Variants in SNX2 observed in about 807,000 individuals in gnomAD.
SNX2 encodes the protein sorting nexin-2.
Under a neutral mutation model 69.9 loss-of-function variants are expected in SNX2, and 25 were observed. The observed-to-expected ratio is 0.36, with a 90% CI of 0.26 to 0.50. The LOEUF (loss-of-function observed/expected upper bound fraction) is 0.50. Ranked by LOEUF, SNX2 falls within the 20% of genes least tolerant of loss-of-function variation. The pLI is 0.97. For missense variants in SNX2, 551 were observed against 613.3 expected, an observed-to-expected ratio of 0.90 and a Z score of 1.07; for synonymous variants, 229 against 200.4, an observed-to-expected ratio of 1.14 and a Z score of -1.20.
chr5:122,800,546 A>G (rs1464994059), intron 3 of SNX2, among the ~76,000 whole-genome samples: 1 of 152,150 alleles, frequency 6.6e-6, no homozygotes, highest in Non-Finnish European at 1.5e-5. Context: ...ATGTCAGGGT[A>G]GTGGTTATGT....
At chr5:122,787,934 A>G (rs1026158074) in intron 1 of SNX2, among the ~76,000 whole-genome samples, 1 of 152,210 alleles carries the variant, frequency 6.6e-6, no homozygotes, top group South Asian at 2.1e-4. Flanking sequence ...TATTTTAAAG[A>G]ACTTAAGAGG....
At chr5:122,787,384 G>C (rs950553568) in intron 1 of SNX2, among the ~76,000 whole-genome samples, 7 of 152,064 alleles carry the variant, frequency 4.6e-5, no homozygotes, top group Non-Finnish European at 7.4e-5. Context: ...GCTAGACATG[G>C]TGGTGCATGC....
chr5:122,832,322 G>C lies in SNX2; in HGVS notation c.*2674G>C, dbSNP rs1179007063. ...GTGCCTTTCTACTTTAAAATATTTTGTTTAAAATATCAAACTTCAATATAA... is the reference window on the plus strand; with the variant it reads ...GTGCCTTTCTACTTTAAAATATTTTCTTTAAAATATCAAACTTCAATATAA... On this transcript the variant is annotated 3_prime_UTR_variant, in exon 15 of 15. Transcript: ENST00000379516. The C allele has an allele frequency of 6.6e-6, 1 of 151,972 alleles. No individual in the cohort carries two copies. The highest frequency in any genetic ancestry group is 1.9e-4 in the East Asian group (1 of 5,196). The allele number at this position is 151,972 out of a possible 1,614,324, so 9.4% of individuals were successfully genotyped here. A position where few individuals can be genotyped will look rare whatever the true frequency, so the allele number is the denominator to read the frequency against.
In SNX2 at chr5:122,802,129, G is replaced by A; in HGVS notation, c.501+5G>A. On this transcript the variant is annotated splice_donor_5th_base_variant and intron_variant, in intron 5 of 14. Coordinates refer to ENST00000379516, the MANE Select transcript of SNX2 (RefSeq NM_003100.4). ...GCATATAGAGTAACAACAAAGGTGAGCTTTTTGTGCTTTTAAAAAAACTAT... is the reference window on the plus strand; with the variant it reads ...GCATATAGAGTAACAACAAAGGTGAACTTTTTGTGCTTTTAAAAAAACTAT... 2 of 1,612,470 alleles carry A rather than the reference G, an allele frequency of 1.2e-6. No individual in the cohort carries two copies. Among genetic ancestry groups the A allele is most frequent in the Non-Finnish European group, 1.7e-6 (2 of 1,178,650 alleles).
intron 11 of SNX2, among the ~76,000 whole-genome samples, chr5:122,824,509 A>C (rs1581648019): frequency 6.6e-6 from 1 of 152,322 alleles, no homozygotes; most frequent in Middle Eastern, 3.4e-3. Context: ...ATGTAAGAAA[A>C]ATTATCTGAG....
chr5:122,833,647 T>G lies in SNX2; in HGVS notation c.*3999T>G, dbSNP rs1360622972. 1.3e-5 allele frequency: 2 copies of G among 152,240 alleles called. No individual in the cohort carries two copies. Among genetic ancestry groups the G allele is most frequent in the Admixed American group, 6.5e-5 (1 of 15,286 alleles). 9.4% of individuals were successfully genotyped at this position (152,240 alleles called of 1,614,324 possible). ...TAGGTTTAGACAATGCCTATTCAAC[T>G]ATTCAACTTGTTTTACATTTATAAA... On this transcript the variant is annotated 3_prime_UTR_variant, in exon 15 of 15. Transcript: ENST00000379516.
At chr5:122,817,223 C>CT in intron 9 of SNX2, 57 bp from the exon 10 acceptor site, 1 of 1,519,036 alleles carries the variant, frequency 6.6e-7, no homozygotes, top group East Asian at 2.3e-5. Flanking sequence ...TATTGGTAAC[C>CT]TAATTTACAA....
intron 10 of SNX2, 43 bp downstream of exon 10, chr5:122,817,416 A>G (rs755768250): frequency 8.5e-7 from 1 of 1,172,022 alleles, no homozygotes; most frequent in Non-Finnish European, 1.2e-6. Context: ...CCATAAAACT[A>G]ATGAAAATAT....
chr5:122,813,767 CTTTTT>C (rs546503535), intron 7 of SNX2, among the ~76,000 whole-genome samples: 1 of 115,364 alleles, frequency 8.7e-6, no homozygotes, highest in Non-Finnish European at 1.7e-5. Context: ...AGAATATTTC[CTTTTT>C]TTTTTTTTTT....
intron 1 of SNX2, among the ~76,000 whole-genome samples, chr5:122,790,203 C>A (rs1215867836): frequency 6.6e-6 from 1 of 152,144 alleles, no homozygotes; most frequent in African/African-American, 2.4e-5. Flanking sequence ...ACTGCAACCT[C>A]CGCCTCCTGG....
intron 1 of SNX2, among the ~76,000 whole-genome samples, chr5:122,786,512 C>T (rs1481655106): frequency 6.6e-6 from 1 of 151,718 alleles, no homozygotes; most frequent in African/African-American, 2.4e-5. Context: ...TTAGTGGTTG[C>T]TCTGCAGCTT....
chr5:122,810,074 T>C (rs896869249), intron 7 of SNX2, among the ~76,000 whole-genome samples: 8 of 151,316 alleles, frequency 5.3e-5, no homozygotes, highest in African/African-American at 1.7e-4. Flanking sequence ...TTCTTCTGCC[T>C]TGGGATCCTG....
intron 8 of SNX2, 23 bp downstream of exon 8, chr5:122,815,994 TTGTATA>T (rs1401519433): frequency 1.5e-6 from 2 of 1,339,610 alleles, no homozygotes; most frequent in Non-Finnish European, 2.1e-6. Flanking sequence ...TATTAAATGT[TTGTATA>T]TGAATGTTCT....
Position 122,803,592 on chromosome 5 carries a change from G to A in SNX2, c.622G>A (p.Ala208Thr). ...ACATGTTGGTTATATTGTGCCACCAGCTCCAGAAAAGAGTATAGTAGGTAA... is the reference window on the plus strand; with the variant it reads ...ACATGTTGGTTATATTGTGCCACCAACTCCAGAAAAGAGTATAGTAGGTAA... ...YLHVGYIVPP[A>T]PEKSIVGMTK... Residue 208 changes from alanine (A) to threonine (T), a missense_variant, in exon 6 of 15, where the codon GCT becomes ACT. Ala to Thr is a moderately conservative substitution (Grantham distance 58, BLOSUM62 0). Coordinates refer to ENST00000379516, the MANE Select transcript of SNX2 (RefSeq NM_003100.4). 4 of 1,608,708 alleles carry A rather than the reference G, an allele frequency of 2.5e-6. No individual in the cohort carries two copies. The highest frequency in any genetic ancestry group is 3.4e-6 in the Non-Finnish European group (4 of 1,178,326).
upstream of SNX2, chr5:122,775,001 G>A: frequency 2.5e-6 from 3 of 1,188,692 alleles, no homozygotes; most frequent in Non-Finnish European, 2.2e-6. Context: ...TTGAGAGGCC[G>A]GCCGGGGGCG....
At chr5:122,775,722 T>G in intron 1 of SNX2, 1 of 985,768 alleles carries the variant, frequency 1.0e-6, no homozygotes, top group Non-Finnish European at 1.2e-6. Flanking sequence ...GACTGCTGGT[T>G]CCTCTTGAGG....
At chr5:122,815,619 G>A (rs1023948045) in intron 7 of SNX2, 1 of 223,300 alleles carries the variant, frequency 4.5e-6, no homozygotes, top group African/African-American at 2.3e-5. Flanking sequence ...GCAATGAGAA[G>A]TTTGGTAAGT....
intron 1 of SNX2, 99 bp from the exon 2 acceptor site, chr5:122,795,167 T>A (rs1331833349): frequency 6.7e-6 from 5 of 748,246 alleles, no homozygotes; most frequent in Non-Finnish European, 1.1e-5. Context: ...CTTTCCTCCA[T>A]TCTTTTCAAG....
chr5:122,777,841 C>G (rs956732053), intron 1 of SNX2, among the ~76,000 whole-genome samples: 28 of 152,288 alleles, frequency 1.8e-4, no homozygotes, highest in East Asian at 9.6e-4. Flanking sequence ...TGTGTTGGAA[C>G]ATTCAAAATC....
Sources: gnomAD v4.1 joint callset for allele counts (sites outside exome capture counted in the v4.1 genomes callset) on GRCh38, gnomAD v4.1.1 for gene constraint, MANE v1.5 for transcripts, NCBI Gene and HGNC (gene_info 2026-07-23, HGNC 2026-07-21) for gene names.